The following C16orf46 variants were observed in gnomAD, a reference collection of about 807,000 sequenced individuals.
The protein encoded by C16orf46 is chromosome 16 open reading frame 46.
C16orf46 carries 7 observed loss-of-function variants against 5.5 expected under a neutral mutation model. That is an observed-to-expected ratio of 1.28 (90% CI 0.73 to 2.40). C16orf46 has a LOEUF of 2.40. C16orf46 is among the 30% of genes most tolerant of loss of function. The pLI is 0.00. For missense variants in C16orf46, 614 were observed against 476.0 expected (o/e 1.29, Z -2.70); for synonymous variants, 200 against 184.1 (o/e 1.09, Z -0.70).
chr16:81,076,210 G>C (rs535194735), intron 1 of C16orf46, among the ~76,000 whole-genome samples: 7 of 152,312 alleles, frequency 4.6e-5, no homozygotes, highest in East Asian at 1.9e-4. Flanking sequence ...AGGTCCTGAA[G>C]ACTGACCTGG....
At chr16:81,063,725 G>T (rs2151750954) in intron 3 of C16orf46, 21 bp downstream of exon 3, 1 of 1,588,548 alleles carries the variant, frequency 6.3e-7, no homozygotes. Context: ...CAGAAAAGCT[G>T]TGACTCAGAA....
At position 81,063,962 on chromosome 16, in the gene C16orf46, G is replaced by A; in HGVS notation, c.-7C>T. The A allele has an allele frequency of 5.6e-6, 9 of 1,594,866 alleles. No individual in the cohort carries two copies. The highest frequency in any genetic ancestry group is 7.7e-6 in the Non-Finnish European group (9 of 1,167,592). ...TTTTCTGACAGAGATCCATTACTGT[G>A]ATGCTTGCTTAAAGTTTTTAACATC... On this transcript the variant is annotated 5_prime_UTR_variant, in exon 3 of 4. Coordinates refer to ENST00000299578, the MANE Select transcript of C16orf46 (RefSeq NM_152337.3).
chr16:81,063,559 G>GT (rs1971555996), intron 3 of C16orf46, among the ~76,000 whole-genome samples, 187 bp downstream of exon 3: 1 of 152,202 alleles, frequency 6.6e-6, no homozygotes, highest in Non-Finnish European at 1.5e-5. Context: ...CACATACTAA[G>GT]TGGCCATAAA....
chr16:81,054,520 G>A (rs1300670824), intron 3 of C16orf46, among the ~76,000 whole-genome samples: 1 of 151,352 alleles, frequency 6.6e-6, no homozygotes, highest in Admixed American at 6.6e-5. Flanking sequence ...TTGGTAACGT[G>A]ATATATATAT....
chr16:81,060,094 A>T (rs765119908), downstream of C16orf46, among the ~76,000 whole-genome samples: 1 of 151,864 alleles, frequency 6.6e-6, no homozygotes, highest in South Asian at 2.1e-4. Context: ...GGCCCCAAAA[A>T]GTAATTATTC....
At chr16:81,072,240 G>C (rs1971879981) in intron 1 of C16orf46, 1 of 148,958 alleles carries the variant, frequency 6.7e-6, no homozygotes, top group African/African-American at 2.5e-5. Context: ...GGTAAGTACA[G>C]TTACTGAGAT....
Position 81,061,504 on chromosome 16 carries a change from G to A in C16orf46, c.845C>T (p.Pro282Leu). 6.2e-7 allele frequency: 1 copy of A among 1,614,220 alleles called. No homozygotes were observed. Among genetic ancestry groups the A allele is most frequent in the Non-Finnish European group, 8.5e-7 (1 of 1,180,036 alleles). Residue 282 changes from proline (P) to leucine (L), a missense_variant, in exon 4 of 4, where the codon CCT (proline) becomes CTT (leucine). Pro to Leu is a moderately conservative substitution (Grantham distance 98). Coordinates refer to ENST00000299578, the MANE Select transcript of C16orf46 (RefSeq NM_152337.3). ...HPMVNDTPSS[P>L]SPAAQISLLT... ...CAGGGATATCTGGGCCGCTGGGGAA[G>A]GGGAGGATGGCGTGTCGTTGACCAT...
intron 3 of C16orf46, among the ~76,000 whole-genome samples, chr16:81,063,324 T>C (rs1315804730): frequency 6.6e-6 from 1 of 150,532 alleles, no homozygotes; most frequent in African/African-American, 2.5e-5. Flanking sequence ...TCTCAGGGAG[T>C]TCAGCACAGC....
downstream of C16orf46, among the ~76,000 whole-genome samples, chr16:81,058,315 G>C (rs1971363879): frequency 6.6e-6 from 1 of 152,188 alleles, no homozygotes; most frequent in African/African-American, 2.4e-5. Flanking sequence ...GATTTATCCT[G>C]AGACTGTGTC....
At chr16:81,060,243 G>C (rs1009617562), downstream of C16orf46, among the ~76,000 whole-genome samples, 1 of 152,132 alleles carries the variant, frequency 6.6e-6, no homozygotes, top group African/African-American at 2.4e-5. Context: ...GAAACAATCT[G>C]AGGGTGTGAC....
chr16:81,061,390 T>C lies in C16orf46; in HGVS notation c.959A>G (p.Tyr320Cys). ...ACPPDPSNVR[Y>C]LAALQLLQKR... The stretch of plus-strand genomic sequence containing the variant: ...CTGCAGAAGCTGCAAGGCAGCAAGG[T>C]AGCGAACGTTGCTGGGGTCTGGAGG... Residue 320 changes from tyrosine to cysteine, a missense_variant, in exon 4 of 4, where the codon TAC becomes TGC. Tyr to Cys is a radical substitution (Grantham distance 194). Coordinates refer to ENST00000299578, the MANE Select transcript of C16orf46 (RefSeq NM_152337.3). The C allele has an allele frequency of 1.2e-6, 2 of 1,614,156 alleles. No individual in the cohort carries two copies. Among genetic ancestry groups the C allele is most frequent in the Non-Finnish European group, 8.5e-7 (1 of 1,180,026 alleles).
chr16:81,065,040 G>GA (rs1745185185), intron 2 of C16orf46, among the ~76,000 whole-genome samples: 1 of 151,698 alleles, frequency 6.6e-6, no homozygotes, highest in South Asian at 2.1e-4. Context: ...AATGCACTTG[G>GA]CATTTAGAAT....
intron 1 of C16orf46, among the ~76,000 whole-genome samples, chr16:81,067,902 A>G (rs749928232): frequency 2.0e-5 from 3 of 152,200 alleles, no homozygotes; most frequent in Non-Finnish European, 4.4e-5. Context: ...ATTGAAAGAA[A>G]AAAACACACA....
At position 81,061,216 on chromosome 16, in the gene C16orf46, G is replaced by A. The variant is rs369641158; in HGVS notation, c.1133C>T (p.Pro378Leu). 6.2e-6 allele frequency: 10 copies of A among 1,613,874 alleles called. No individual in the cohort carries two copies. In the East Asian group the frequency reaches 6.7e-5, roughly 11 times the overall value. The change falls in exon 4 of 4, where the codon CCG (proline) becomes CTG (leucine). Residue 378 changes from proline (P) to leucine (L), a missense_variant. Transcript: ENST00000299578. Reference protein sequence around the residue: ...ETKVFPRPVLPSLTVSRVIIP... With the variant: ...ETKVFPRPVLLSLTVSRVIIP... ...GATAACTCTGCTCACTGTGAGAGACGGCAAGACAGGTCTTGGGAAAACTTT... is the reference window on the plus strand; with the variant it reads ...GATAACTCTGCTCACTGTGAGAGACAGCAAGACAGGTCTTGGGAAAACTTT...
At chr16:81,064,170 G>A (rs1971577503) in intron 2 of C16orf46, among the ~76,000 whole-genome samples, 177 bp from the exon 3 acceptor site, 1 of 152,078 alleles carries the variant, frequency 6.6e-6, no homozygotes, top group African/African-American at 2.4e-5. Flanking sequence ...GATCACTTGA[G>A]GTCAGGAGTT....
rs1339009352 is a variant in C16orf46 at position 81,061,699 on chromosome 16, G to C, written c.650C>G (p.Ser217Ter). Reference sequence around the variant, plus strand: ...CAGAACATCCAAAGCATTTGAAAGTGAAGCCTTCAGGGGAGGCAGAACTAG... The same window carrying C: ...CAGAACATCCAAAGCATTTGAAAGTCAAGCCTTCAGGGGAGGCAGAACTAG... ...ALLVLPPLKASLSNALDVLGK... is the reference protein window; with the variant it reads ...ALLVLPPLKA The change falls in exon 4 of 4, where the codon TCA becomes TGA. Residue 217 changes from serine to a stop codon, truncating the protein, a stop_gained. Coordinates refer to ENST00000299578, the MANE Select transcript of C16orf46 (RefSeq NM_152337.3). LOFTEE classifies it low-confidence loss of function (END_TRUNC). 3.7e-6 allele frequency: 6 copies of C among 1,613,992 alleles called. No individual in the cohort carries two copies. In the Middle Eastern group the frequency reaches 4.9e-4, roughly 133 times the overall value.
intron 2 of C16orf46, among the ~76,000 whole-genome samples, chr16:81,065,925 T>C (rs1971642642): frequency 6.6e-6 from 1 of 151,788 alleles, no homozygotes; most frequent in African/African-American, 2.4e-5. Flanking sequence ...CTGACAAAAT[T>C]TACTGGAGTA....
At chr16:81,062,349 G>T (rs927892859) in intron 3 of C16orf46, among the ~76,000 whole-genome samples, 7 of 151,918 alleles carry the variant, frequency 4.6e-5, no homozygotes, top group African/African-American at 1.7e-4. Context: ...ATGAAAAAGT[G>T]TAATACCTAC....
At chr16:81,054,213 C>A in intron 3 of C16orf46, 1 of 801,956 alleles carries the variant, frequency 1.2e-6, no homozygotes, top group Non-Finnish European at 1.9e-6. Context: ...AGACTGCCCT[C>A]AATAACTTTT....
Sources: allele counts gnomAD v4.1 joint callset (sites outside exome capture counted in the v4.1 genomes callset), GRCh38; gene constraint gnomAD v4.1.1; transcripts MANE v1.5; gene names NCBI Gene and HGNC (gene_info 2026-07-23, HGNC 2026-07-21).